ERC2: variants seen among roughly 807,000 people sequenced by gnomAD.
The protein encoded by ERC2 is ERC protein 2.
In ERC2, 42 loss-of-function variants were observed where a neutral mutation model predicts 114.8. That is an observed-to-expected ratio of 0.37 (90% CI 0.29 to 0.47). The LOEUF (loss-of-function observed/expected upper bound fraction) is 0.47. ERC2 is among the 20% of genes least tolerant of loss of function. The pLI is 0.99. For missense variants in ERC2, 939 were observed against 1,150.7 expected (o/e 0.82, Z 2.66); for synonymous variants, 454 against 425.5 (o/e 1.07, Z -0.82).
intron 2 of ERC2, among the ~76,000 whole-genome samples, chr3:56,376,020 G>A (rs948474613): frequency 3.3e-5 from 5 of 152,068 alleles, no homozygotes; most frequent in East Asian, 1.9e-4. Flanking sequence ...TCCAACAACC[G>A]CATGGATGAG....
At chr3:55,972,003 T>C (rs1405541253) in intron 12 of ERC2, among the ~76,000 whole-genome samples, 1 of 152,212 alleles carries the variant, frequency 6.6e-6, no homozygotes, top group Non-Finnish European at 1.5e-5. Flanking sequence ...TTCATGCCTT[T>C]GTTTTCATTG....
At chr3:56,100,730 C>T (rs937060861) in intron 6 of ERC2, among the ~76,000 whole-genome samples, 2 of 152,180 alleles carry the variant, frequency 1.3e-5, no homozygotes, top group African/African-American at 4.8e-5. Flanking sequence ...AGGGATAGGG[C>T]ATGCTCCCAT....
chr3:55,829,117 C>A (rs2060461768), intron 14 of ERC2, among the ~76,000 whole-genome samples: 1 of 152,084 alleles, frequency 6.6e-6, no homozygotes, highest in South Asian at 2.1e-4. Context: ...GGCAACAGAG[C>A]AAGACCCTCT....
rs146248925 is a variant in ERC2 at position 56,012,109 on chromosome 3, G to C, written c.1780-1520C>G. ...GATCCCAGACCTAGTTTACCTACCT[G>C]TGACAATGGTGAGTGGATGACTATG... On this transcript the variant is annotated intron_variant, in intron 8 of 17. Transcript: ENST00000288221. Among the ~76,000 whole-genome samples the C allele has an allele frequency of 3.0e-3, 452 of 152,260 alleles. 6 individuals are homozygous for C. The highest frequency in any genetic ancestry group is 0.012 in the South Asian group (60 of 4,818).
intron 7 of ERC2, among the ~76,000 whole-genome samples, chr3:56,033,647 T>C (rs2074613540): frequency 6.6e-6 from 1 of 152,242 alleles, no homozygotes; most frequent in Non-Finnish European, 1.5e-5. Context: ...TTGCCAAGTA[T>C]AGTATTCTTG....
chr3:55,850,591 G>T (rs2061527931), intron 14 of ERC2, among the ~76,000 whole-genome samples: 1 of 152,098 alleles, frequency 6.6e-6, no homozygotes, highest in Admixed American at 6.5e-5. Flanking sequence ...CAGAATCAAA[G>T]TGTCTAAATA....
intron 3 of ERC2, among the ~76,000 whole-genome samples, chr3:56,293,725 T>C (rs1329484567): frequency 6.6e-6 from 1 of 152,240 alleles, no homozygotes; most frequent in African/African-American, 2.4e-5. Context: ...GCACTTTCTG[T>C]TCTCCCTTCT....
chr3:56,188,110 G>C (rs970190915), intron 3 of ERC2, among the ~76,000 whole-genome samples: 3 of 152,136 alleles, frequency 2.0e-5, no homozygotes, highest in Non-Finnish European at 2.9e-5. Context: ...TCCACTGCAA[G>C]GATCCCTGAG....
intron 8 of ERC2, among the ~76,000 whole-genome samples, chr3:56,013,563 CA>C (rs1248716423): frequency 1.3e-5 from 2 of 152,146 alleles, no homozygotes; most frequent in African/African-American, 4.8e-5. Context: ...AAACAGCTTC[CA>C]GGAGCGGTGG....
chr3:56,120,908 T>C (rs1441893848), intron 6 of ERC2, among the ~76,000 whole-genome samples: 3 of 152,200 alleles, frequency 2.0e-5, no homozygotes, highest in Non-Finnish European at 4.4e-5. Context: ...GTAAATTTAA[T>C]AATCAGAATA....
intron 2 of ERC2, among the ~76,000 whole-genome samples, chr3:56,401,018 A>G (rs538834501): frequency 6.6e-6 from 1 of 152,328 alleles, no homozygotes; most frequent in East Asian, 1.9e-4. Flanking sequence ...TAGCAATTGC[A>G]TGAAAAGGGA....
At chr3:55,572,968 C>T (rs2056798359) in intron 17 of ERC2, among the ~76,000 whole-genome samples, 1 of 152,192 alleles carries the variant, frequency 6.6e-6, no homozygotes, top group African/African-American at 2.4e-5. Flanking sequence ...CTCTGAAACC[C>T]CCTTTATATA....
intron 15 of ERC2, among the ~76,000 whole-genome samples, chr3:55,702,601 C>G (rs1231301472): frequency 6.6e-6 from 1 of 152,020 alleles, no homozygotes; most frequent in African/African-American, 2.4e-5. Context: ...CCGGTTTACA[C>G]ATAGACAAGG....
intron 13 of ERC2, among the ~76,000 whole-genome samples, chr3:55,895,073 G>A (rs1194093100): frequency 6.6e-6 from 1 of 152,178 alleles, no homozygotes; most frequent in Non-Finnish European, 1.5e-5. Context: ...ACAGCTTGCA[G>A]CGATCAAAAG....
intron 3 of ERC2, among the ~76,000 whole-genome samples, chr3:56,264,051 C>A (rs2053127024): frequency 6.6e-6 from 1 of 152,084 alleles, no homozygotes; most frequent in Non-Finnish European, 1.5e-5. Flanking sequence ...GGGCTAAAAA[C>A]CATATGATCA....
At chr3:56,155,387 A>G (rs1346810484) in intron 4 of ERC2, among the ~76,000 whole-genome samples, 5 of 151,896 alleles carry the variant, frequency 3.3e-5, no homozygotes, top group African/African-American at 1.2e-4. Flanking sequence ...AAAGAAAATA[A>G]CCGCATGACT....
intron 7 of ERC2, among the ~76,000 whole-genome samples, chr3:56,023,892 A>G (rs1227749353): frequency 6.6e-6 from 1 of 152,172 alleles, no homozygotes; most frequent in African/African-American, 2.4e-5. Flanking sequence ...GAGATTCTAC[A>G]AAGAAGTAAA....
chr3:56,283,020 A>G (rs763222219), intron 3 of ERC2, among the ~76,000 whole-genome samples: 9 of 152,236 alleles, frequency 5.9e-5, no homozygotes, highest in Non-Finnish European at 1.2e-4. Flanking sequence ...GTGTCTCAGA[A>G]GTCCCCACGG....
rs3052672 is a variant in ERC2 at position 56,049,818 on chromosome 3, A to ATGTGTGTGTGTGTGTG, written c.1642-30803_1642-30788dup. On this transcript the variant is annotated intron_variant, in intron 7 of 17. Coordinates refer to ENST00000288221, the MANE Select transcript of ERC2 (RefSeq NM_015576.3). ...GCTACTTAATAAACTCCCATCATAT[A>ATGTGTGTGTGTGTGTG]TGTGTGTGTGTGTGTGTGTGTGTGT... Among the ~76,000 whole-genome samples the ATGTGTGTGTGTGTGTG allele has an allele frequency of 1.3e-3, 192 of 145,306 alleles. 2 individuals carry two copies. The highest frequency in any genetic ancestry group is 4.6e-3 in the African/African-American group (180 of 38,914).
Sources: gnomAD v4.1 joint callset for allele counts (sites outside exome capture counted in the v4.1 genomes callset) on GRCh38, gnomAD v4.1.1 for gene constraint, MANE v1.5 for transcripts, NCBI Gene and HGNC (gene_info 2026-07-23, HGNC 2026-07-21) for gene names.